The following TET1 variants were observed in gnomAD, a reference collection of about 807,000 sequenced individuals.
TET1 encodes the protein methylcytosine dioxygenase TET1.
Under a neutral mutation model 148.7 loss-of-function variants are expected in TET1, and 13 were observed. The observed-to-expected ratio is 0.09, with a 90% confidence interval of 0.06 to 0.14. TET1 has a LOEUF of 0.14. Among genes scored for constraint, TET1 ranks in the 10% least tolerant of loss-of-function variants. The probability of loss-of-function intolerance (pLI) is 1.00; values close to 1 mark genes in which losing one functional copy is unlikely to be tolerated. For missense variants in TET1, 2,182 were observed against 2,553.8 expected, an observed-to-expected ratio of 0.85 and a Z score of 3.14; for synonymous variants, 907 against 937.2, an observed-to-expected ratio of 0.97 and a Z score of 0.59.
intron 2 of TET1, among the ~76,000 whole-genome samples, chr10:68,585,703 C>G (rs1263773041): frequency 1.3e-5 from 2 of 152,010 alleles, no homozygotes; most frequent in East Asian, 1.9e-4. Context: ...ATCAAAGAAT[C>G]AGACCACTTA....
intron 11 of TET1, among the ~76,000 whole-genome samples, chr10:68,688,521 G>T (rs550136889): frequency 7.3e-6 from 1 of 137,734 alleles, no homozygotes; most frequent in Admixed American, 7.8e-5. Context: ...TGCAAGTTGT[G>T]CCTCCCGGGT....
chr10:68,593,905 C>T (rs1303336329), intron 2 of TET1, among the ~76,000 whole-genome samples: 5 of 130,164 alleles, frequency 3.8e-5, no homozygotes, highest in South Asian at 2.6e-4. Flanking sequence ...TGAGCCACTG[C>T]GCCTGAGCTA....
At chr10:68,613,808 C>T (rs1198924067) in intron 3 of TET1, among the ~76,000 whole-genome samples, 2 of 151,922 alleles carry the variant, frequency 1.3e-5, no homozygotes, top group Non-Finnish European at 2.9e-5. Context: ...CATGGTGGTA[C>T]GCACCTGTAA....
rs1987255 is a variant in TET1, at chr10:68,630,837, G to T, written c.1969-13861G>T. On this transcript the variant is annotated intron_variant, in intron 3 of 11. Coordinates refer to ENST00000373644, the MANE Select transcript of TET1 (RefSeq NM_030625.3). ...GCAAAGGTAAGTGAAATAAAGAGTG[G>T]AGAATTGAAGTGACGACGATCCTAA... Among the ~76,000 whole-genome samples the T allele has an allele frequency of 9.2e-4, 140 of 152,264 alleles. 1 individual carries two copies. In the South Asian group the frequency reaches 9.7e-3, roughly 11 times the overall value.
Position 68,573,357 on chromosome 10 carries a change from G to A in TET1, c.1019G>A (p.Gly340Asp), listed in dbSNP as rs1398228984. The change falls in exon 2 of 12, where the codon GGT becomes GAT. Residue 340 changes from glycine to aspartate, a missense_variant. Transcript: ENST00000373644. Reference sequence around the variant, plus strand: ...GCAGGCTCAAAACAAGCGACCCTTGGTGCTAAACCAGATCATCAAGAGGCC... The same window carrying A: ...GCAGGCTCAAAACAAGCGACCCTTGATGCTAAACCAGATCATCAAGAGGCC... The part of the protein sequence containing the change: ...LLAGSKQATL[G>D]AKPDHQEAFE... 6.2e-7 allele frequency: 1 copy of A among 1,614,034 alleles called. No individual in the cohort carries two copies.
chr10:68,691,961 T>C lies in TET1; in HGVS notation c.*147T>C. On this transcript the variant is annotated 3_prime_UTR_variant, in exon 12 of 12. Coordinates refer to ENST00000373644, the MANE Select transcript of TET1 (RefSeq NM_030625.3). The surrounding 1 kb of genome is among the most constrained non-coding windows in gnomAD (Gnocchi z 4.4). ...AAATAATAATGATAACAAAACGGGG[T>C]GGGTATTCTTAACTGTGACTATATT... 2 of 971,802 alleles carry C rather than the reference T, an allele frequency of 2.1e-6. No homozygotes were observed. Among genetic ancestry groups the C allele is most frequent in the Non-Finnish European group, 1.5e-6 (1 of 671,766 alleles). 60.2% of individuals were successfully genotyped at this position (971,802 alleles called of 1,614,324 possible). A position where few individuals can be genotyped will look rare whatever the true frequency, so the allele number is the denominator to read the frequency against.
intron 3 of TET1, among the ~76,000 whole-genome samples, chr10:68,609,982 T>C (rs1229392926): frequency 6.6e-6 from 1 of 151,492 alleles, no homozygotes; most frequent in African/African-American, 2.4e-5. Flanking sequence ...ACTACATCTC[T>C]ATATATTTAT....
At chr10:68,609,528 AC>A (rs1437268203) in intron 3 of TET1, among the ~76,000 whole-genome samples, 5 of 152,196 alleles carry the variant, frequency 3.3e-5, no homozygotes, top group African/African-American at 1.2e-4. Flanking sequence ...GTGATCTTGA[AC>A]TTCTGGGCTT....
chr10:68,652,631 G>A (rs1175212731), intron 6 of TET1, 37 bp downstream of exon 6: 11 of 1,401,094 alleles, frequency 7.9e-6, no homozygotes, highest in Non-Finnish European at 1.0e-5. Context: ...TTTGAAGCTT[G>A]TTATTCCAGA....
intron 4 of TET1, 111 bp from the exon 5 acceptor site, chr10:68,651,735 C>G: frequency 1.5e-6 from 1 of 661,556 alleles, no homozygotes; most frequent in Non-Finnish European, 2.4e-6. Flanking sequence ...AAAACCTTGT[C>G]AAGATTCATG....
chr10:68,683,569 C>T (rs190197477), intron 10 of TET1, among the ~76,000 whole-genome samples: 14 of 152,096 alleles, frequency 9.2e-5, no homozygotes, highest in East Asian at 1.9e-4. Flanking sequence ...TGAGTCACCA[C>T]GCCCAGCCAA....
chr10:68,681,426 A>G lies in TET1; in HGVS notation c.4852A>G (p.Ser1618Gly). 1 of 1,613,892 alleles carries G rather than the reference A, an allele frequency of 6.2e-7. No homozygotes were observed. The highest frequency in any genetic ancestry group is 8.5e-7 in the Non-Finnish European group (1 of 1,179,852). ...AAAAAACCTTGAAGATAACTTACAGAGTTTGGCTACACGATTAGCTCCAAT... is the reference window on the plus strand; with the variant it reads ...AAAAAACCTTGAAGATAACTTACAGGGTTTGGCTACACGATTAGCTCCAAT... ...HEKNLEDNLQ[S>G]LATRLAPIYK... is the part of the protein sequence containing the mutation. Residue 1618 changes from serine to glycine, a missense_variant, in exon 9 of 12, where the codon AGT becomes GGT. This residue lies in a region of TET1 where 55 missense variants were observed against 149.8 expected (regional missense o/e 0.37). Transcript: ENST00000373644.
intron 3 of TET1, among the ~76,000 whole-genome samples, chr10:68,623,573 G>A (rs1014427463): frequency 1.3e-5 from 2 of 152,182 alleles, no homozygotes; most frequent in Admixed American, 6.5e-5. Flanking sequence ...TCCTCTCAAC[G>A]GCTTAAGCAG....
At chr10:68,672,526 A>C (rs2055290085) in intron 7 of TET1, among the ~76,000 whole-genome samples, 1 of 150,470 alleles carries the variant, frequency 6.6e-6, no homozygotes, top group Non-Finnish European at 1.5e-5. Context: ...AAAAAAAAAA[A>C]AAAGAAAAAC....
intron 7 of TET1, among the ~76,000 whole-genome samples, chr10:68,672,348 C>T (rs925145123): frequency 1.3e-5 from 2 of 151,404 alleles, no homozygotes; most frequent in African/African-American, 4.8e-5. Context: ...ATTAGCTGGG[C>T]GTGGTGGCGC....
In TET1 at chr10:68,691,057, C is replaced by T. The variant is rs776722537; in HGVS notation, c.5654C>T (p.Ser1885Leu). The part of the protein sequence containing the change: ...RSSTPHCTMP[S>L]GRLSGANAAA... ...AGCACTCCCCACTGTACGATGCCTT[C>T]GGGAAGACTCAGTGGTGCCAATGCA... is the stretch of plus-strand genomic sequence containing the variant. The change falls in exon 12 of 12, where the codon TCG becomes TTG. Residue 1885 changes from serine (S) to leucine (L), a missense_variant. Coordinates refer to ENST00000373644, the MANE Select transcript of TET1 (RefSeq NM_030625.3). This position sits in a 1 kb window ranked among gnomAD's most constrained non-coding sequence, Gnocchi z 4.4. 5.9e-5 allele frequency: 96 copies of T among 1,614,108 alleles called. No homozygotes were observed. The Admixed American group carries it at 1.1e-3, about 18-fold the overall frequency.
chr10:68,669,252 C>CAAAAA (rs61048539), intron 7 of TET1, among the ~76,000 whole-genome samples: 1 of 149,264 alleles, frequency 6.7e-6, no homozygotes, highest in Non-Finnish European at 1.5e-5. Context: ...CCACCCCCCA[C>CAAAAA]AAAAAAAAAA....
chr10:68,615,909 A>G (rs1215927627), intron 3 of TET1, among the ~76,000 whole-genome samples: 1 of 152,212 alleles, frequency 6.6e-6, no homozygotes, highest in African/African-American at 2.4e-5. Flanking sequence ...GGCCTCCCAA[A>G]GTGCTGGGAT....
rs761805831 is a variant in TET1, at chr10:68,573,682, A to G, written c.1344A>G (p.Lys448=). The G allele has an allele frequency of 6.2e-7, 1 of 1,614,012 alleles. No individual in the cohort carries two copies. Among genetic ancestry groups the G allele is most frequent in the South Asian group, 1.1e-5 (1 of 91,064 alleles). ...NPIATFNAPS[K]WPEPQSTVSY... ...TTGCTACCTTTAATGCTCCTTCCAA[A>G]TGGCCTGAGCCCCAAAGCACTGTCT... is the stretch of plus-strand genomic sequence containing the variant. The change falls in exon 2 of 12, where the codon AAA becomes AAG. Residue 448 remains lysine (K), a synonymous_variant. Transcript: ENST00000373644.
Sources: allele counts gnomAD v4.1 joint callset (sites outside exome capture counted in the v4.1 genomes callset), GRCh38; gene constraint gnomAD v4.1.1; regional missense constraint gnomAD v4.1.1; non-coding constraint Gnocchi (gnomAD v3.1); transcripts MANE v1.5; gene names NCBI Gene and HGNC (gene_info 2026-07-23, HGNC 2026-07-21).